C10orf90: variants seen among roughly 807,000 people sequenced by gnomAD.
The protein encoded by C10orf90 is chromosome 10 open reading frame 90.
C10orf90 carries 56 observed loss-of-function variants against 62.5 expected under a neutral mutation model. The observed-to-expected ratio is 0.90, with a 90% confidence interval of 0.72 to 1.12. The LOEUF is 1.12. Among genes scored for constraint, C10orf90 ranks in the 50% most tolerant of loss-of-function variants. The pLI is 0.00. For synonymous variants in C10orf90, 386 were observed against 340.4 expected (o/e 1.13, Z -1.47); for missense variants, 970 against 880.4 (o/e 1.10, Z -1.29).
intron 2 of C10orf90, among the ~76,000 whole-genome samples, chr10:126,561,764 G>C (rs1024588423): frequency 6.6e-6 from 1 of 152,140 alleles, no homozygotes; most frequent in African/African-American, 2.4e-5. Flanking sequence ...GTGGACAGTT[G>C]TGTGCCTGAC....
chr10:126,646,053 T>C (rs1453260231), intron 2 of C10orf90, among the ~76,000 whole-genome samples: 2 of 152,122 alleles, frequency 1.3e-5, no homozygotes, highest in East Asian at 1.9e-4. Flanking sequence ...TCACAAAGAG[T>C]GGGGCAGGGG....
chr10:126,549,925 A>G (rs530064631), intron 2 of C10orf90, among the ~76,000 whole-genome samples: 9 of 151,662 alleles, frequency 5.9e-5, no homozygotes, highest in Non-Finnish European at 1.0e-4. Context: ...AGAAGGATAC[A>G]TGCTACATGC....
At chr10:126,521,488 C>G (rs1045277164) in intron 2 of C10orf90, 1 of 1,443,400 alleles carries the variant, frequency 6.9e-7, no homozygotes, top group Non-Finnish European at 9.0e-7. Context: ...CCTCAAAGCT[C>G]TATATGTAAT....
At chr10:126,607,135 G>A (rs942481444) in intron 2 of C10orf90, among the ~76,000 whole-genome samples, 4 of 152,064 alleles carry the variant, frequency 2.6e-5, no homozygotes, top group Admixed American at 6.5e-5. Context: ...AGGCAGGGGC[G>A]CCCAACTCTG....
At chr10:126,471,002 G>GT (rs1313558106) in intron 4 of C10orf90, among the ~76,000 whole-genome samples, 1 of 152,134 alleles carries the variant, frequency 6.6e-6, no homozygotes, top group African/African-American at 2.4e-5. Flanking sequence ...ACTGATAATT[G>GT]TTTCAGCACA....
intron 2 of C10orf90, among the ~76,000 whole-genome samples, chr10:126,564,981 AATATAAAAT>A (rs1844292013): frequency 1.5e-4 from 1 of 6,800 alleles, no homozygotes; most frequent in South Asian, 9.1e-3. Context: ...TAATATATAA[AATATAAAAT>A]ATATATTATA....
chr10:126,559,186 T>C (rs545780107), intron 2 of C10orf90, among the ~76,000 whole-genome samples: 15 of 152,334 alleles, frequency 9.8e-5, no homozygotes, highest in Non-Finnish European at 2.1e-4. Flanking sequence ...TGCCCTGTGG[T>C]TGTTAAATAT....
At chr10:126,558,928 C>T (rs530201708) in intron 2 of C10orf90, among the ~76,000 whole-genome samples, 14 of 152,306 alleles carry the variant, frequency 9.2e-5, no homozygotes, top group African/African-American at 3.1e-4. Context: ...ATGTGAGGGC[C>T]ACACACCATT....
At chr10:126,592,753 G>A (rs1382366965) in intron 2 of C10orf90, among the ~76,000 whole-genome samples, 1 of 152,156 alleles carries the variant, frequency 6.6e-6, no homozygotes, top group Non-Finnish European at 1.5e-5. Context: ...AGAGTGAACA[G>A]ACAATGTACA....
chr10:126,548,815 G>A (rs780180536), intron 2 of C10orf90, among the ~76,000 whole-genome samples: 6 of 151,426 alleles, frequency 4.0e-5, no homozygotes, highest in Non-Finnish European at 8.8e-5. Context: ...TGCTGGCAGA[G>A]GGACAGACCC....
At chr10:126,627,558 A>G (rs1022043836) in intron 2 of C10orf90, among the ~76,000 whole-genome samples, 2 of 149,410 alleles carry the variant, frequency 1.3e-5, no homozygotes, top group Non-Finnish European at 3.0e-5. Context: ...GGTTAAAAGG[A>G]AAAAAAAAAG....
Position 126,456,095 on chromosome 10 carries a change from A to C in C10orf90, c.2188+2945T>G, listed in dbSNP as rs1316747099. 6.6e-6 allele frequency among the ~76,000 whole-genome samples: 1 copy of C among 152,258 alleles called. No individual in the cohort carries two copies. Among genetic ancestry groups the C allele is most frequent in the African/African-American group, 2.4e-5 (1 of 41,470 alleles). On this transcript the variant is annotated intron_variant, in intron 7 of 9. Transcript: ENST00000488181. The surrounding 1 kb of genome is among the most constrained non-coding windows in gnomAD (Gnocchi z 4.9). ...CACTGTAGCCAAAGCTCGTTCACGCATATGATTTATGAACTAATTTAGCAA... is the reference window on the plus strand; with the variant it reads ...CACTGTAGCCAAAGCTCGTTCACGCCTATGATTTATGAACTAATTTAGCAA...
intron 1 of C10orf90, among the ~76,000 whole-genome samples, chr10:126,657,710 G>A (rs1846424994): frequency 6.6e-6 from 1 of 151,536 alleles, no homozygotes; most frequent in Admixed American, 6.6e-5. Flanking sequence ...CTGCCTCCTG[G>A]GTTCAAATGA....
intron 2 of C10orf90, among the ~76,000 whole-genome samples, chr10:126,542,603 T>G (rs1864403155): frequency 6.6e-6 from 1 of 152,210 alleles, no homozygotes; most frequent in African/African-American, 2.4e-5. Context: ...TAAATACCAC[T>G]TAACTGTTCA....
chr10:126,614,279 A>C (rs973771776), intron 2 of C10orf90, among the ~76,000 whole-genome samples: 5 of 152,196 alleles, frequency 3.3e-5, no homozygotes, highest in Admixed American at 6.5e-5. Flanking sequence ...CACAGAAATC[A>C]AATGACTCAC....
rs1016731833 is a variant in C10orf90 at position 126,456,023 on chromosome 10, C to G, written c.2188+3017G>C. On this transcript the variant is annotated intron_variant, in intron 7 of 9. Transcript: ENST00000488181. The surrounding 1 kb of genome is among the most constrained non-coding windows in gnomAD (Gnocchi z 4.9). Reference sequence around the variant, plus strand: ...CAAGCCCCGATCAGAGGCAGCTACCCCAGCACCAAAAGCAAATAGGAGTCT... The same window carrying G: ...CAAGCCCCGATCAGAGGCAGCTACCGCAGCACCAAAAGCAAATAGGAGTCT... Among the ~76,000 whole-genome samples the G allele has an allele frequency of 2.0e-5, 3 of 152,238 alleles. No homozygotes were observed. The highest frequency in any genetic ancestry group is 7.2e-5 in the African/African-American group (3 of 41,466).
intron 4 of C10orf90, 41 bp downstream of exon 4, chr10:126,503,916 T>C (rs370108189): frequency 3.1e-5 from 48 of 1,563,746 alleles, no homozygotes; most frequent in Non-Finnish European, 4.0e-5. Context: ...TGCTAGGACA[T>C]TTACTCAGGT....
Position 126,425,564 on chromosome 10 carries a change from G to A in C10orf90, c.*300C>T, listed in dbSNP as rs767413102. On this transcript the variant is annotated 3_prime_UTR_variant, in exon 10 of 10. Transcript: ENST00000488181. ...CTCTGATGGGCAGGAAACAGCAGGG[G>A]AGAAGAAATCAGAAGCAAAAGGTAC... The A allele has an allele frequency of 2.5e-6, 1 of 403,890 alleles. No homozygotes were observed. The highest frequency in any genetic ancestry group is 4.4e-6 in the Non-Finnish European group (1 of 229,018). 25.0% of individuals were successfully genotyped at this position (403,890 alleles called of 1,614,324 possible).
In C10orf90 at chr10:126,453,448, AG is replaced by A. The variant is rs1859331450; in HGVS notation, c.2188+5591del. ...AGTGAGAGGAGAGGAGAGGGAGTGA[AG>A]GGGAGAAAGAAGGATGGGAATCAGG... On this transcript the variant is annotated intron_variant, in intron 7 of 9. Transcript: ENST00000488181. The surrounding 1 kb of genome is among the most constrained non-coding windows in gnomAD (Gnocchi z 4.9). Among the ~76,000 whole-genome samples, 1 of 152,020 alleles carries A rather than the reference AG, an allele frequency of 6.6e-6. No individual in the cohort carries two copies. The highest frequency in any genetic ancestry group is 2.4e-5 in the African/African-American group (1 of 41,422).
Sources: allele counts gnomAD v4.1 joint callset (sites outside exome capture counted in the v4.1 genomes callset), GRCh38; gene constraint gnomAD v4.1.1; non-coding constraint Gnocchi (gnomAD v3.1); transcripts MANE v1.5; gene names NCBI Gene and HGNC (gene_info 2026-07-23, HGNC 2026-07-21).